Variants in ERRFI1 observed in about 807,000 individuals in gnomAD.
The protein encoded by ERRFI1 is mitogen-inducible gene 6 protein.
A neutral mutation model predicts 14.6 loss-of-function variants in ERRFI1; 12 were observed. The ratio of observed to expected loss-of-function variants is 0.82; its 90% CI spans 0.53 to 1.33. ERRFI1 has a LOEUF of 1.33. Ranked by LOEUF, ERRFI1 falls within the 40% of genes most tolerant of loss-of-function variation. The pLI is 0.00. For missense variants in ERRFI1, 482 were observed against 572.1 expected, an observed-to-expected ratio of 0.84 and a Z score of 1.61; for synonymous variants, 202 against 209.9, an observed-to-expected ratio of 0.96 and a Z score of 0.32.
chr1:8,023,432 C>T (rs1641300206), intron 1 of ERRFI1, among the ~76,000 whole-genome samples: 1 of 152,150 alleles, frequency 6.6e-6, no homozygotes, highest in South Asian at 2.1e-4. Flanking sequence ...CGTGTGCCAC[C>T]ATACCCAGCT....
At chr1:8,017,554 C>A (rs923308393) in intron 1 of ERRFI1, among the ~76,000 whole-genome samples, 21 of 152,248 alleles carry the variant, frequency 1.4e-4, no homozygotes, top group Admixed American at 3.3e-4. Context: ...CTGCTAGCCT[C>A]TCCCTCTGTG....
chr1:8,015,689 T>C lies in ERRFI1; in HGVS notation c.-70A>G. On this transcript the variant is annotated 5_prime_UTR_variant, in exon 2 of 4. It removes an upstream start codon present in the reference 5' UTR. Transcript: ENST00000377482. ...CTTTAAAATCAACCAGTAGCTTTCATTCCCTGGGAGGTAGAAGAGATGAGA... is the reference window on the plus strand; with the variant it reads ...CTTTAAAATCAACCAGTAGCTTTCACTCCCTGGGAGGTAGAAGAGATGAGA... 6.3e-7 allele frequency: 1 copy of C among 1,591,926 alleles called. No individual in the cohort carries two copies. The highest frequency in any genetic ancestry group is 8.6e-7 in the Non-Finnish European group (1 of 1,162,662).
At chr1:8,017,442 A>C (rs1641192639) in intron 1 of ERRFI1, among the ~76,000 whole-genome samples, 1 of 152,192 alleles carries the variant, frequency 6.6e-6, no homozygotes, top group Admixed American at 6.5e-5. Flanking sequence ...AAGAATTCTA[A>C]TTGAGAGGTC....
At position 8,015,606 on chromosome 1, in the gene ERRFI1, C is replaced by T. The variant is rs760807582; in HGVS notation, c.14G>A (p.Gly5Glu). Reference sequence around the variant, plus strand: ...GACTCTGATCTCCTGAGCAGCAACTCCTGCTATTGACATTGTGCCTTATTC... The same window carrying T: ...GACTCTGATCTCCTGAGCAGCAACTTCTGCTATTGACATTGTGCCTTATTC... MSIA[G>E]VAAQEIRVPL... Residue 5 changes from glycine (G) to glutamate (E), a missense_variant, in exon 2 of 4, where the codon GGA becomes GAA. By Grantham distance (98) the Gly-to-Glu change is moderately conservative. Coordinates refer to ENST00000377482, the MANE Select transcript of ERRFI1 (RefSeq NM_018948.4). The T allele has an allele frequency of 2.5e-6, 4 of 1,614,110 alleles. No homozygotes were observed. The highest frequency in any genetic ancestry group is 3.4e-6 in the Non-Finnish European group (4 of 1,179,962).
intron 1 of ERRFI1, among the ~76,000 whole-genome samples, chr1:8,021,652 A>G (rs1274104162): frequency 6.6e-6 from 1 of 152,216 alleles, no homozygotes; most frequent in East Asian, 1.9e-4. Context: ...ATATAAAACC[A>G]TTAATGATAA....
At position 8,015,300 on chromosome 1, in the gene ERRFI1, A is replaced by T. The variant is rs1301395325; in HGVS notation, c.202+8T>A. The T allele has an allele frequency of 6.2e-7, 1 of 1,611,518 alleles. No homozygotes were observed. The highest frequency in any genetic ancestry group is 1.1e-5 in the South Asian group (1 of 91,024). ...TGCTTACTGTGATCAGATTTTCAGA[A>T]TACATACCAAGTGGTATTAGGCGCT... On this transcript the variant is annotated splice_region_variant and intron_variant, in intron 3 of 3. Transcript: ENST00000377482.
intron 1 of ERRFI1, among the ~76,000 whole-genome samples, chr1:8,021,835 G>C (rs779725162): frequency 6.6e-5 from 10 of 152,146 alleles, no homozygotes; most frequent in Non-Finnish European, 1.2e-4. Flanking sequence ...GTGAGCAATG[G>C]GGCCAGGACT....
intron 1 of ERRFI1, among the ~76,000 whole-genome samples, chr1:8,019,029 C>G (rs1641238580): frequency 6.6e-6 from 1 of 152,196 alleles, no homozygotes; most frequent in Non-Finnish European, 1.5e-5. Flanking sequence ...GAGGATCACA[C>G]TTCTCAAGGC....
Position 8,012,932 on chromosome 1 carries a change from T to G in ERRFI1, c.*278A>C. ...GTTATACCACAAGTTTATATATAGG[T>G]ATGTAATGTATGCATATATAAAAAG... On this transcript the variant is annotated 3_prime_UTR_variant, in exon 4 of 4. Coordinates refer to ENST00000377482, the MANE Select transcript of ERRFI1 (RefSeq NM_018948.4). 3 of 427,400 alleles carry G rather than the reference T, an allele frequency of 7.0e-6. No homozygotes were observed. The highest frequency in any genetic ancestry group is 1.2e-5 in the Non-Finnish European group (3 of 240,546). The allele number at this position is 427,400 out of a possible 1,614,324, so 26.5% of individuals were successfully genotyped here.
At chr1:8,022,306 C>T (rs1229307735) in intron 1 of ERRFI1, among the ~76,000 whole-genome samples, 1 of 152,180 alleles carries the variant, frequency 6.6e-6, no homozygotes, top group Non-Finnish European at 1.5e-5. Flanking sequence ...AACGGGCCTC[C>T]TTTTAACATG....
intron 1 of ERRFI1, among the ~76,000 whole-genome samples, chr1:8,022,556 T>A (rs1641288216): frequency 6.6e-6 from 1 of 152,210 alleles, no homozygotes; most frequent in Non-Finnish European, 1.5e-5. Flanking sequence ...AAAAGGGCGA[T>A]CATGGCTCTT....
chr1:8,015,262 T>A (rs1388320883), intron 3 of ERRFI1, 46 bp downstream of exon 3: 2 of 1,552,736 alleles, frequency 1.3e-6, no homozygotes, highest in Non-Finnish European at 1.8e-6. Flanking sequence ...GAATCCAGAC[T>A]GTTCTTCTCA....
At chr1:8,021,459 G>A (rs1038076494) in intron 1 of ERRFI1, among the ~76,000 whole-genome samples, 11 of 152,028 alleles carry the variant, frequency 7.2e-5, no homozygotes, top group African/African-American at 2.4e-4. Context: ...TACACACAGA[G>A]GGGAGAAAAA....
intron 1 of ERRFI1, among the ~76,000 whole-genome samples, chr1:8,025,361 C>T: frequency 6.6e-6 from 1 of 152,224 alleles, no homozygotes; most frequent in South Asian, 2.1e-4. Flanking sequence ...AATAAGCATT[C>T]ACGTCTTGAA....
rs1641155751 is a variant in ERRFI1, at chr1:8,015,217, CAT to C, written c.202+89_202+90del. 10 of 1,148,562 alleles carry C rather than the reference CAT, an allele frequency of 8.7e-6. No homozygotes were observed. The South Asian group carries it at 1.2e-4, about 13-fold the overall frequency. The allele number at this position is 1,148,562 out of a possible 1,614,324, so 71.1% of individuals were successfully genotyped here. On this transcript the variant is annotated intron_variant, in intron 3 of 3. Coordinates refer to ENST00000377482, the MANE Select transcript of ERRFI1 (RefSeq NM_018948.4). ...TTGTTGGAAATAGTTCAGGTTTCCT[CAT>C]TTAAAAAATAATGCTGGAGGACAAG...
chr1:8,023,717 T>C (rs866065759), intron 1 of ERRFI1, among the ~76,000 whole-genome samples: 4 of 152,344 alleles, frequency 2.6e-5, no homozygotes, highest in South Asian at 2.1e-4. Context: ...CCCCACCACC[T>C]TCTGAAATCT....
At chr1:8,018,512 C>CTA (rs1641231610) in intron 1 of ERRFI1, among the ~76,000 whole-genome samples, 1 of 151,694 alleles carries the variant, frequency 6.6e-6, no homozygotes, top group African/African-American at 2.4e-5. Context: ...AAAACAATTG[C>CTA]AAAAATGTAC....
intron 1 of ERRFI1, among the ~76,000 whole-genome samples, chr1:8,021,254 T>C (rs1387744502): frequency 6.6e-6 from 1 of 152,224 alleles, no homozygotes; most frequent in Admixed American, 6.5e-5. Context: ...TAATTCAGAA[T>C]GCTTTCTAGC....
At position 8,013,571 on chromosome 1, in the gene ERRFI1, T is replaced by C. The variant is rs147428933; in HGVS notation, c.1028A>G (p.Asn343Ser). 100 of 1,614,160 alleles carry C rather than the reference T, an allele frequency of 6.2e-5. No individual in the cohort carries two copies. In the Middle Eastern group the frequency reaches 2.8e-3, roughly 45 times the overall value. The change falls in exon 4 of 4, where the codon AAT becomes AGT. Residue 343 changes from asparagine (N) to serine (S), a missense_variant. Transcript: ENST00000377482. The surrounding 1 kb of genome is among the most constrained non-coding windows in gnomAD (Gnocchi z 4.3). ...GCTCTGTGTCGGGGGCATGACCCCA[T>C]TGAGGTAAGACGGAAGGCTTTTGGG... ...PSPKSLPSYL[N>S]GVMPPTQSFA...
Sources: allele counts gnomAD v4.1 joint callset (sites outside exome capture counted in the v4.1 genomes callset), GRCh38; gene constraint gnomAD v4.1.1; non-coding constraint Gnocchi (gnomAD v3.1); transcripts MANE v1.5; gene names NCBI Gene and HGNC (gene_info 2026-07-23, HGNC 2026-07-21).